The following FLT3 variants were observed in gnomAD, a reference collection of about 807,000 sequenced individuals.
FLT3 encodes the protein receptor-type tyrosine-protein kinase FLT3.
A neutral mutation model predicts 126.6 loss-of-function variants in FLT3; 46 were observed. The ratio of observed to expected loss-of-function variants is 0.36; its 90% CI spans 0.29 to 0.46. The LOEUF (loss-of-function observed/expected upper bound fraction) is 0.46. Ranked by LOEUF, FLT3 falls within the 20% of genes least tolerant of loss-of-function variation. FLT3 has a pLI of 1.00. For missense variants in FLT3, 1,069 were observed against 1,190.3 expected (o/e 0.90, Z 1.50); for synonymous variants, 404 against 434.4 (o/e 0.93, Z 0.87).
At chr13:28,093,473 T>C (rs572366177) in intron 1 of FLT3, among the ~76,000 whole-genome samples, 1 of 152,328 alleles carries the variant, frequency 6.6e-6, no homozygotes, top group South Asian at 2.1e-4. Flanking sequence ...TTTTAAAACC[T>C]ATTCATTAGA....
chr13:28,090,101 C>T (rs1878938378), intron 1 of FLT3, among the ~76,000 whole-genome samples: 1 of 150,370 alleles, frequency 6.7e-6, no homozygotes. Flanking sequence ...AGTGTGGCGG[C>T]ACAATCTCAG....
At chr13:28,045,278 G>A (rs1055090510) in intron 9 of FLT3, among the ~76,000 whole-genome samples, 1 of 152,148 alleles carries the variant, frequency 6.6e-6, no homozygotes, top group South Asian at 2.1e-4. Context: ...ACATTCTTGC[G>A]GGAGAGGGAA....
At position 28,004,060 on chromosome 13, in the gene FLT3, C is replaced by G. The variant is rs1297154409; in HGVS notation, c.2974G>C (p.Asp992His). The G allele has an allele frequency of 3.7e-6, 6 of 1,614,116 alleles. No homozygotes were observed. Among genetic ancestry groups the G allele is most frequent in the Non-Finnish European group, 1.7e-6 (2 of 1,180,008 alleles). ...GLLSPQAQVE[D>H]S Reference sequence around the variant, plus strand: ...AAAACTAAATTGTTCCTCTACGAATCTTCGACCTGAGCCTGCGGAGAGAGT... The same window carrying G: ...AAAACTAAATTGTTCCTCTACGAATGTTCGACCTGAGCCTGCGGAGAGAGT... Residue 992 changes from aspartate to histidine, a missense_variant, in exon 24 of 24, where the codon GAT (aspartate) becomes CAT (histidine). Transcript: ENST00000241453.
In FLT3 at chr13:28,091,207, CTTTTTTTTTTTTTTTTTTTTT is replaced by C. The variant is rs572410744; in HGVS notation, c.43+9240_43+9260del. Among the ~76,000 whole-genome samples, 4 of 36,580 alleles carry C rather than the reference CTTTTTTTTTTTTTTTTTTTTT, an allele frequency of 1.1e-4. No homozygotes were observed. The Middle Eastern group carries it at 0.079, about 722-fold the overall frequency. The allele number at this position is 36,580 out of a possible 152,430, so 24.0% of individuals were successfully genotyped here. ...ATTTATCCTCTTTGGGCCCCATTTT[CTTTTTTTTTTTTTTTTTTTTT>C]TTTTTTTTTTTGAGACGGAGTCTCG... On this transcript the variant is annotated intron_variant, in intron 1 of 23. Coordinates refer to ENST00000241453, the MANE Select transcript of FLT3 (RefSeq NM_004119.3).
chr13:28,073,462 T>A, intron 1 of FLT3: 1 of 341,950 alleles, frequency 2.9e-6, no homozygotes, highest in Non-Finnish European at 5.8e-6. Context: ...TCTGAGACAG[T>A]CTCAGAAAGT....
intron 9 of FLT3, among the ~76,000 whole-genome samples, chr13:28,044,215 G>A (rs1253884573): frequency 2.0e-5 from 3 of 150,882 alleles, no homozygotes; most frequent in Non-Finnish European, 2.9e-5. Flanking sequence ...TTGGCAGGCC[G>A]AGGTGGGCGT....
chr13:28,022,017 G>A (rs1374503666), intron 19 of FLT3, among the ~76,000 whole-genome samples: 2 of 151,892 alleles, frequency 1.3e-5, no homozygotes, highest in Non-Finnish European at 2.9e-5. Context: ...GATTACAGGC[G>A]TGAGCTACCA....
At chr13:28,089,624 A>C (rs1364767423) in intron 1 of FLT3, among the ~76,000 whole-genome samples, 1 of 152,126 alleles carries the variant, frequency 6.6e-6, no homozygotes, top group Admixed American at 6.5e-5. Flanking sequence ...GCTACGTATC[A>C]TAAGATTCCA....
chr13:28,044,670 G>A (rs1048732289), intron 9 of FLT3, among the ~76,000 whole-genome samples: 6 of 152,068 alleles, frequency 3.9e-5, no homozygotes, highest in African/African-American at 1.2e-4. Context: ...GCTGTGTGTC[G>A]TCAGTGGCCC....
chr13:28,075,867 C>G (rs562327518), intron 1 of FLT3, among the ~76,000 whole-genome samples: 2 of 151,490 alleles, frequency 1.3e-5, no homozygotes, highest in African/African-American at 4.8e-5. Flanking sequence ...ACCATCTCGG[C>G]TCACTGCAAA....
chr13:28,040,661 A>G (rs1010231348), intron 9 of FLT3, among the ~76,000 whole-genome samples: 4 of 152,156 alleles, frequency 2.6e-5, no homozygotes, highest in Admixed American at 2.6e-4. Flanking sequence ...TGTGAACAAG[A>G]GAATTCATCT....
intron 4 of FLT3, among the ~76,000 whole-genome samples, chr13:28,053,430 A>G (rs1875729193): frequency 6.6e-6 from 1 of 150,634 alleles, no homozygotes; most frequent in African/African-American, 2.5e-5. Context: ...GAATATATGG[A>G]GTGTAAATTT....
chr13:28,012,978 A>G (rs139969969), intron 23 of FLT3, among the ~76,000 whole-genome samples: 1 of 151,122 alleles, frequency 6.6e-6, no homozygotes, highest in African/African-American at 2.4e-5. Flanking sequence ...ATACATGCAC[A>G]TATACATTCT....
chr13:28,090,131 C>T (rs973170056), intron 1 of FLT3, among the ~76,000 whole-genome samples: 3 of 151,812 alleles, frequency 2.0e-5, no homozygotes, highest in Non-Finnish European at 4.4e-5. Flanking sequence ...ACCTCCGCCT[C>T]CCAGGTTCAA....
intron 2 of FLT3, among the ~76,000 whole-genome samples, chr13:28,065,935 G>A (rs551041335): frequency 2.6e-5 from 4 of 151,998 alleles, no homozygotes; most frequent in South Asian, 4.1e-4. Flanking sequence ...CCAGGAGTTC[G>A]AGACCAGCCT....
chr13:28,025,045 T>C (rs1441713968), intron 17 of FLT3, 102 bp from the exon 18 acceptor site: 11 of 731,030 alleles, frequency 1.5e-5, no homozygotes, highest in East Asian at 7.7e-5. Flanking sequence ...CAGTTATAAA[T>C]TGACTTTTAA....
rs555215882 is a variant in FLT3 at position 28,062,351 on chromosome 13, C to T, written c.166-282G>A. Among the ~76,000 whole-genome samples the T allele has an allele frequency of 5.9e-5, 9 of 152,194 alleles. No individual in the cohort carries two copies. The South Asian group carries it at 1.9e-3, about 32-fold the overall frequency. ...CAAGTTCATATGTTGAAGTCCTAAC[C>T]CTCAAATGCAACTTTATTTGGAGAT... On this transcript the variant is annotated intron_variant, in intron 2 of 23. Transcript: ENST00000241453.
intron 9 of FLT3, among the ~76,000 whole-genome samples, chr13:28,045,344 G>A (rs1874757492): frequency 6.6e-6 from 1 of 152,180 alleles, no homozygotes; most frequent in Non-Finnish European, 1.5e-5. Flanking sequence ...CCCATCAAGA[G>A]GATATTAAAG....
In FLT3 at chr13:28,091,207, CTTTTTTTTT is replaced by C. The variant is rs572410744; in HGVS notation, c.43+9252_43+9260del. On this transcript the variant is annotated intron_variant, in intron 1 of 23. Coordinates refer to ENST00000241453, the MANE Select transcript of FLT3 (RefSeq NM_004119.3). ...ATTTATCCTCTTTGGGCCCCATTTT[CTTTTTTTTT>C]TTTTTTTTTTTTTTTTTTTTTTTGA... Among the ~76,000 whole-genome samples, 6 of 36,578 alleles carry C rather than the reference CTTTTTTTTT, an allele frequency of 1.6e-4. No individual in the cohort carries two copies. The South Asian group carries it at 4.2e-3, about 25-fold the overall frequency. 24.0% of individuals were successfully genotyped at this position (36,578 alleles called of 152,430 possible).
Sources: allele counts gnomAD v4.1 joint callset (sites outside exome capture counted in the v4.1 genomes callset), GRCh38; gene constraint gnomAD v4.1.1; transcripts MANE v1.5; gene names NCBI Gene and HGNC (gene_info 2026-07-23, HGNC 2026-07-21).